Variants in ASIC2 observed in about 807,000 individuals in gnomAD.
ASIC2 encodes the protein acid sensing ion channel subunit 2, also known as acid-sensing ion channel 2.
Under a neutral mutation model 57.3 loss-of-function variants are expected in ASIC2, and 25 were observed. That is an observed-to-expected ratio of 0.44 (90% confidence interval 0.32 to 0.61). ASIC2 has a LOEUF of 0.61. Among genes scored for constraint, ASIC2 ranks in the 20% least tolerant of loss-of-function variants. The pLI, the probability that ASIC2 is intolerant of heterozygous loss-of-function variation, is 0.06. For synonymous variants in ASIC2, 319 were observed against 307.5 expected, an observed-to-expected ratio of 1.04 and a Z score of -0.39; for missense variants, 641 against 738.1, an observed-to-expected ratio of 0.87 and a Z score of 1.52.
intron 1 of ASIC2, among the ~76,000 whole-genome samples, chr17:33,417,963 T>G (rs976611114): frequency 6.6e-6 from 1 of 151,290 alleles, no homozygotes; most frequent in Non-Finnish European, 1.5e-5. Flanking sequence ...TCAACCCTAT[T>G]TTGTTGACCC....
intron 1 of ASIC2, among the ~76,000 whole-genome samples, chr17:33,951,980 G>T (rs770213921): frequency 6.6e-6 from 1 of 152,122 alleles, no homozygotes; most frequent in African/African-American, 2.4e-5. Flanking sequence ...GGTTACACAC[G>T]TGTGATCAAT....
chr17:33,790,135 T>C lies in ASIC2; in HGVS notation c.555+365843A>G, dbSNP rs1911727139. ...ACTAATGTGGGCATTAATATGTTTGTACTATACATTTATTTTACTTTTCAA... is the reference window on the plus strand; with the variant it reads ...ACTAATGTGGGCATTAATATGTTTGCACTATACATTTATTTTACTTTTCAA... On this transcript the variant is annotated intron_variant, in intron 1 of 9. Coordinates refer to the ASIC2 transcript ENST00000359872. Among the ~76,000 whole-genome samples the C allele has an allele frequency of 2.0e-5, 3 of 152,366 alleles. No individual in the cohort carries two copies. The South Asian group carries it at 6.2e-4, about 32-fold the overall frequency.
chr17:33,407,834 A>T (rs1477475584), intron 1 of ASIC2, among the ~76,000 whole-genome samples: 4 of 152,240 alleles, frequency 2.6e-5, no homozygotes, highest in African/African-American at 9.6e-5. Flanking sequence ...GCAACCCTAT[A>T]GTCTCTAGCC....
intron 1 of ASIC2, among the ~76,000 whole-genome samples, chr17:33,817,992 G>T (rs917692315): frequency 6.6e-6 from 1 of 152,142 alleles, no homozygotes; most frequent in Non-Finnish European, 1.5e-5. Flanking sequence ...TTGGCTCAAA[G>T]CTCCCAAGGT....
At chr17:33,055,806 C>T (rs373816452) in intron 3 of ASIC2, among the ~76,000 whole-genome samples, 3 of 152,262 alleles carry the variant, frequency 2.0e-5, no homozygotes, top group Non-Finnish European at 2.9e-5. Flanking sequence ...AAAGCGACTG[C>T]GCCATGTTCT....
At chr17:33,243,933 G>C (rs561062446) in intron 1 of ASIC2, among the ~76,000 whole-genome samples, 1 of 152,224 alleles carries the variant, frequency 6.6e-6, no homozygotes, top group Non-Finnish European at 1.5e-5. Context: ...GTGTGACCTT[G>C]GGCAAGTCAC....
chr17:33,015,459 G>A (rs9892452), intron 9 of ASIC2, among the ~76,000 whole-genome samples: 5,716 of 152,256 alleles, frequency 0.038, 357 homozygotes, highest in African/African-American at 0.13. Flanking sequence ...GGCCTCAACT[G>A]CCTCAAATAC....
intron 1 of ASIC2, among the ~76,000 whole-genome samples, chr17:33,428,720 G>A (rs1222791730): frequency 6.6e-6 from 1 of 152,132 alleles, no homozygotes; most frequent in East Asian, 1.9e-4. Context: ...TGGAATGCAG[G>A]TGTGCCGGAT....
chr17:34,120,742 T>C (rs1291736886), intron 1 of ASIC2, among the ~76,000 whole-genome samples: 2 of 124,712 alleles, frequency 1.6e-5, no homozygotes, highest in Non-Finnish European at 3.2e-5. Context: ...TTTTTTTCTT[T>C]TTTTTTTTTT....
Position 33,102,018 on chromosome 17 carries a change from T to G in ASIC2, c.859+9899A>C, listed in dbSNP as rs1015650345. Among the ~76,000 whole-genome samples the G allele has an allele frequency of 2.6e-5, 4 of 152,106 alleles. No homozygotes were observed. In the East Asian group the frequency reaches 7.7e-4, roughly 29 times the overall value. ...GGCCATCCCTTGTGGATCCAACATCTTCCTGCTCCAGTTTGGATGGAATGC... is the reference window on the plus strand; with the variant it reads ...GGCCATCCCTTGTGGATCCAACATCGTCCTGCTCCAGTTTGGATGGAATGC... On this transcript the variant is annotated intron_variant, in intron 2 of 9. Transcript: ENST00000225823.
intron 1 of ASIC2, among the ~76,000 whole-genome samples, chr17:33,501,244 G>T (rs979220790): frequency 6.6e-6 from 1 of 152,220 alleles, no homozygotes; most frequent in Admixed American, 6.5e-5. Flanking sequence ...TATCTCAGCC[G>T]CTCACAAAGT....
chr17:33,955,754 C>T (rs547346448), intron 1 of ASIC2, among the ~76,000 whole-genome samples: 10 of 152,244 alleles, frequency 6.6e-5, no homozygotes, highest in South Asian at 4.2e-4. Flanking sequence ...CAACAGGGCC[C>T]CTCCTCCAAC....
intron 7 of ASIC2, among the ~76,000 whole-genome samples, chr17:33,019,591 G>T (rs2091826173): frequency 6.6e-6 from 1 of 152,022 alleles, no homozygotes; most frequent in East Asian, 1.9e-4. Context: ...AAAGGGCCGT[G>T]CGGTGCTGAG....
chr17:33,795,264 G>C (rs545035205), intron 1 of ASIC2, among the ~76,000 whole-genome samples: 43 of 152,354 alleles, frequency 2.8e-4, no homozygotes, highest in Non-Finnish European at 6.0e-4. Flanking sequence ...ACCATGACTG[G>C]TTGATGCTAG....
At position 34,099,772 on chromosome 17, in the gene ASIC2, AAG is replaced by A. The variant is rs1347346586; in HGVS notation, c.555+56204_555+56205del. On this transcript the variant is annotated intron_variant, in intron 1 of 9. Transcript: ENST00000359872. The stretch of plus-strand genomic sequence containing the variant: ...AAAGAAAGAAAGAAAGAAAGAAAGA[AAG>A]AAAGAAAGAAAGAAAGAAAGAAAGA... Among the ~76,000 whole-genome samples the A allele has an allele frequency of 3.9e-3, 341 of 88,556 alleles. 6 individuals carry two copies. Among genetic ancestry groups the A allele is most frequent in the African/African-American group, 0.022 (324 of 14,796 alleles). The allele number at this position is 88,556 out of a possible 152,430, so 58.1% of individuals were successfully genotyped here.
chr17:33,041,100 C>T (rs57615597), intron 3 of ASIC2, among the ~76,000 whole-genome samples: 2,617 of 152,262 alleles, frequency 0.017, 62 homozygotes, highest in Middle Eastern at 0.065. Context: ...GCCCTGGAGC[C>T]TGTTCTCTCC....
chr17:33,766,038 C>T (rs1213362245), intron 1 of ASIC2, among the ~76,000 whole-genome samples: 1 of 152,180 alleles, frequency 6.6e-6, no homozygotes, highest in Non-Finnish European at 1.5e-5. Context: ...TTGCAGGTGG[C>T]TTAGCATATA....
At chr17:33,591,189 G>T (rs1904813696) in intron 1 of ASIC2, among the ~76,000 whole-genome samples, 1 of 152,144 alleles carries the variant, frequency 6.6e-6, no homozygotes, top group African/African-American at 2.4e-5. Context: ...TTCAGTTACT[G>T]GCTGCCTGTC....
chr17:33,125,947 A>G (rs572573563), intron 1 of ASIC2, among the ~76,000 whole-genome samples: 2 of 152,294 alleles, frequency 1.3e-5, no homozygotes, highest in African/African-American at 2.4e-5. Flanking sequence ...TAAGGAAGCA[A>G]TTATTTCGGG....
Sources: allele counts gnomAD v4.1 joint callset (sites outside exome capture counted in the v4.1 genomes callset), GRCh38; gene constraint gnomAD v4.1.1; transcripts MANE v1.5; gene names NCBI Gene and HGNC (gene_info 2026-07-23, HGNC 2026-07-21).